Variants in DGKB observed in about 807,000 individuals in gnomAD.
DGKB encodes 90 kDa diacylglycerol kinase.
In DGKB, 67 loss-of-function variants were observed where a neutral mutation model predicts 114.3. The ratio of observed to expected loss-of-function variants is 0.59; its 90% CI spans 0.48 to 0.72. The LOEUF is 0.72. DGKB is among the 30% of genes least tolerant of loss of function. The pLI is 0.00. For synonymous variants in DGKB, 398 were observed against 323.1 expected (o/e 1.23, Z -2.49); for missense variants, 907 against 975.2 (o/e 0.93, Z 0.93).
At chr7:14,651,336 G>A (rs1222308115) in intron 13 of DGKB, among the ~76,000 whole-genome samples, 1 of 151,694 alleles carries the variant, frequency 6.6e-6, no homozygotes, top group East Asian at 1.9e-4. Context: ...ATGCAAGGCT[G>A]GTTCAATACA....
intron 21 of DGKB, among the ~76,000 whole-genome samples, chr7:14,462,828 C>T (rs890780403): frequency 1.3e-5 from 2 of 152,156 alleles, no homozygotes; most frequent in Non-Finnish European, 2.9e-5. Context: ...ATCATGCTAC[C>T]TGACTGCAAA....
intron 3 of DGKB, 101 bp from the exon 4 acceptor site, chr7:14,754,049 G>A: frequency 1.1e-6 from 1 of 871,012 alleles, no homozygotes; most frequent in Non-Finnish European, 1.8e-6. Flanking sequence ...CAAGTTTACA[G>A]GTTGATTTTA....
At chr7:14,580,483 C>A (rs763038209) in intron 19 of DGKB, among the ~76,000 whole-genome samples, 2 of 152,248 alleles carry the variant, frequency 1.3e-5, no homozygotes, top group Admixed American at 1.3e-4. Flanking sequence ...AATTCATTAG[C>A]CTTTCATCTT....
At chr7:14,700,979 G>C (rs1825065132) in intron 7 of DGKB, among the ~76,000 whole-genome samples, 1 of 152,088 alleles carries the variant, frequency 6.6e-6, no homozygotes, top group Non-Finnish European at 1.5e-5. Flanking sequence ...GGAATTTCAT[G>C]CATGGTACTG....
intron 23 of DGKB, among the ~76,000 whole-genome samples, chr7:14,286,503 A>G (rs1800900051): frequency 1.3e-5 from 2 of 152,104 alleles, no homozygotes; most frequent in African/African-American, 4.8e-5. Flanking sequence ...AACTATCGCT[A>G]TTTTAAAATG....
chr7:14,943,702 G>T (rs182899930), intron 1 of DGKB, among the ~76,000 whole-genome samples: 6 of 151,600 alleles, frequency 4.0e-5, no homozygotes, highest in South Asian at 4.2e-4. Context: ...GACAAGAGCC[G>T]ATCATTAAAT....
At chr7:14,486,798 A>G (rs1473698772) in intron 20 of DGKB, among the ~76,000 whole-genome samples, 1 of 152,206 alleles carries the variant, frequency 6.6e-6, no homozygotes, top group Non-Finnish European at 1.5e-5. Context: ...AAAAAGCACC[A>G]GTACCAAATC....
At position 14,469,492 on chromosome 7, in the gene DGKB, CCTT is replaced by C. The variant is rs1421188779; in HGVS notation, c.1835+8666_1835+8668del. On this transcript the variant is annotated intron_variant, in intron 21 of 25. Coordinates refer to ENST00000402815, the MANE Select transcript of DGKB (RefSeq NM_001350709.2). ...AAAAAGGAAGGGAGAAAAGTTATTC[CCTT>C]CTTTATTCATCCTCCAGTCCTCACT... Among the ~76,000 whole-genome samples, 14 of 152,016 alleles carry C rather than the reference CCTT, an allele frequency of 9.2e-5. No individual in the cohort carries two copies. The East Asian group carries it at 2.7e-3, about 29-fold the overall frequency.
chr7:14,944,792 G>A (rs1448239893), intron 1 of DGKB, among the ~76,000 whole-genome samples: 1 of 145,832 alleles, frequency 6.9e-6, no homozygotes, highest in Non-Finnish European at 1.5e-5. Context: ...TATCAAAAAT[G>A]TCAATAATGC....
intron 21 of DGKB, among the ~76,000 whole-genome samples, chr7:14,469,598 A>G (rs551733100): frequency 6.6e-6 from 1 of 152,128 alleles, no homozygotes; most frequent in Admixed American, 6.6e-5. Context: ...TGGTTTTATT[A>G]ATGGTGCCAA....
At chr7:14,946,671 A>G (rs1468187016) in intron 1 of DGKB, among the ~76,000 whole-genome samples, 1 of 151,700 alleles carries the variant, frequency 6.6e-6, no homozygotes, top group Non-Finnish European at 1.5e-5. Context: ...GAAACAAGGA[A>G]GTTTTCAAAC....
At chr7:14,304,180 T>C (rs1804076631) in intron 23 of DGKB, among the ~76,000 whole-genome samples, 1 of 151,742 alleles carries the variant, frequency 6.6e-6, no homozygotes, top group Non-Finnish European at 1.5e-5. Context: ...ACACTAACGG[T>C]AAGGTTTATG....
intron 21 of DGKB, among the ~76,000 whole-genome samples, chr7:14,422,911 T>C (rs1255848009): frequency 6.6e-6 from 1 of 152,022 alleles, no homozygotes; most frequent in Admixed American, 6.6e-5. Context: ...ACATACATTA[T>C]TCCCCAATTA....
chr7:14,974,024 T>C (rs1016562050), intron 1 of DGKB, among the ~76,000 whole-genome samples: 1 of 151,794 alleles, frequency 6.6e-6, no homozygotes, highest in Non-Finnish European at 1.5e-5. Flanking sequence ...GTTTCAGATT[T>C]GGCTCAGATC....
intron 23 of DGKB, among the ~76,000 whole-genome samples, chr7:14,205,935 T>A (rs1271726458): frequency 6.6e-6 from 1 of 152,010 alleles, no homozygotes; most frequent in Non-Finnish European, 1.5e-5. Context: ...ATAGATCAAT[T>A]GATTGACAGG....
chr7:14,309,851 C>A (rs1246797195), intron 23 of DGKB, among the ~76,000 whole-genome samples: 3 of 152,142 alleles, frequency 2.0e-5, no homozygotes, highest in Non-Finnish European at 4.4e-5. Context: ...GAAGGATCTG[C>A]AGGTGCAGGA....
At chr7:14,312,013 T>A (rs1341530192) in intron 23 of DGKB, among the ~76,000 whole-genome samples, 1 of 20,202 alleles carries the variant, frequency 4.9e-5, no homozygotes, top group Admixed American at 7.3e-4. Flanking sequence ...AGCTATGTTA[T>A]TTTTTTTTTC....
intron 20 of DGKB, among the ~76,000 whole-genome samples, chr7:14,511,590 A>T (rs182134016): frequency 6.6e-6 from 1 of 152,310 alleles, no homozygotes; most frequent in African/African-American, 2.4e-5. Flanking sequence ...TTCATAGTTC[A>T]TGGGAGTAAC....
Position 14,583,061 on chromosome 7 carries a change from C to T in DGKB, c.1510G>A (p.Asp504Asn). 6.2e-7 allele frequency: 1 copy of T among 1,611,768 alleles called. No individual in the cohort carries two copies. Among genetic ancestry groups the T allele is most frequent in the Non-Finnish European group, 8.5e-7 (1 of 1,178,066 alleles). The change falls in exon 18 of 26, where the codon GAT becomes AAT. Residue 504 changes from aspartate to asparagine, a missense_variant. By Grantham distance (23) the Asp-to-Asn change is conservative. Coordinates refer to ENST00000402815, the MANE Select transcript of DGKB (RefSeq NM_001350709.2). Reference protein sequence around the residue: ...GGDGTVGWVLDCIEKANVGKH... With the variant: ...GGDGTVGWVLNCIEKANVGKH... ...TATGTGTCTGCATTACCTATGCAAT[C>T]CAAAACCCAGCCCACGGTTCCATCT...
Sources: allele counts gnomAD v4.1 joint callset (sites outside exome capture counted in the v4.1 genomes callset), GRCh38; gene constraint gnomAD v4.1.1; transcripts MANE v1.5; gene names NCBI Gene and HGNC (gene_info 2026-07-23, HGNC 2026-07-21).